Variants in MERTK observed in about 807,000 individuals in gnomAD.
MERTK encodes tyrosine-protein kinase Mer.
A neutral mutation model predicts 99.3 loss-of-function variants in MERTK; 69 were observed. The ratio of observed to expected loss-of-function variants is 0.70; its 90% CI spans 0.57 to 0.85. The LOEUF is 0.85. Ranked by LOEUF, MERTK falls within the 40% of genes least tolerant of loss-of-function variation. MERTK has a pLI of 0.00. For synonymous variants in MERTK, 426 were observed against 467.6 expected (o/e 0.91, Z 1.15); for missense variants, 1,125 against 1,249.4 (o/e 0.90, Z 1.50).
At chr2:112,020,574 G>T (rs143328351) in intron 16 of MERTK, 195 of 470,952 alleles carry the variant, frequency 4.1e-4, no homozygotes, top group African/African-American at 3.8e-3. Context: ...TGCAGTTGTA[G>T]CCCTTTAATT....
chr2:111,933,722 A>G (rs1176620968), intron 2 of MERTK, among the ~76,000 whole-genome samples: 2 of 152,002 alleles, frequency 1.3e-5, no homozygotes, highest in Non-Finnish European at 1.5e-5. Context: ...CCTGTGTTTT[A>G]TCTTTCTTTT....
At chr2:111,992,117 G>C (rs1219999618) in intron 8 of MERTK, among the ~76,000 whole-genome samples, 1 of 152,012 alleles carries the variant, frequency 6.6e-6, no homozygotes, top group Non-Finnish European at 1.5e-5. Flanking sequence ...CTCACATTTC[G>C]GAAGGAGTCC....
At chr2:112,002,405 T>C (rs1193239263) in intron 11 of MERTK, among the ~76,000 whole-genome samples, 1 of 152,100 alleles carries the variant, frequency 6.6e-6, no homozygotes, top group African/African-American at 2.4e-5. Context: ...TTCTTTTGTA[T>C]ACTGTAGTCA....
chr2:111,961,087 GT>G (rs1685240980), intron 4 of MERTK, among the ~76,000 whole-genome samples: 1 of 150,716 alleles, frequency 6.6e-6, no homozygotes, highest in Admixed American at 6.6e-5. Context: ...TTGAGAAGAA[GT>G]GACCAAAATA....
intron 4 of MERTK, among the ~76,000 whole-genome samples, chr2:111,963,792 CTCTT>C (rs1189164558): frequency 1.3e-5 from 2 of 151,908 alleles, no homozygotes; most frequent in African/African-American, 2.4e-5. Flanking sequence ...AATCTGATCT[CTCTT>C]TCTTTTCCCC....
intron 6 of MERTK, among the ~76,000 whole-genome samples, chr2:111,971,812 G>T (rs1232944755): frequency 1.3e-5 from 2 of 152,190 alleles, no homozygotes; most frequent in African/African-American, 4.8e-5. Context: ...TGTGGTTTAG[G>T]TCTTGTTGGT....
intron 7 of MERTK, among the ~76,000 whole-genome samples, chr2:111,978,762 G>GACATTGAGAATTTT (rs1232864734): frequency 5.9e-5 from 9 of 152,300 alleles, no homozygotes; most frequent in Admixed American, 4.6e-4. Flanking sequence ...TTGGATTACA[G>GACATTGAGAATTTT]ACATTGAGAA....
At position 112,003,957 on chromosome 2, in the gene MERTK, C is replaced by G; in HGVS notation, c.1840C>G (p.Leu614Val). ...GNLKQEDGTS[L>V]KVAVKTMKLD... ...TCTTAAGCAGGAAGATGGGACCTCTCTGAAAGTGGCAGTGAAGACCATGAA... is the reference window on the plus strand; with the variant it reads ...TCTTAAGCAGGAAGATGGGACCTCTGTGAAAGTGGCAGTGAAGACCATGAA... The change falls in exon 13 of 19, where the codon CTG (leucine) becomes GTG (valine). Residue 614 changes from leucine to valine, a missense_variant. Leu to Val is a conservative substitution (Grantham distance 32). Coordinates refer to ENST00000295408, the MANE Select transcript of MERTK (RefSeq NM_006343.3). 5 of 1,613,572 alleles carry G rather than the reference C, an allele frequency of 3.1e-6. No individual in the cohort carries two copies. The highest frequency in any genetic ancestry group is 4.2e-6 in the Non-Finnish European group (5 of 1,179,562).
intron 10 of MERTK, 64 bp downstream of exon 10, chr2:111,997,540 A>G (rs2104402084): frequency 6.3e-7 from 1 of 1,579,054 alleles, no homozygotes; most frequent in East Asian, 2.2e-5. Flanking sequence ...CCAAGTGATT[A>G]TGCCTTTCCT....
intron 9 of MERTK, 136 bp from the exon 10 acceptor site, chr2:111,997,187 T>G (rs1573629220): frequency 5.7e-6 from 6 of 1,048,900 alleles, no homozygotes; most frequent in Non-Finnish European, 8.9e-6. Flanking sequence ...TTACACAAAG[T>G]GAGACCTGCC....
At chr2:111,947,070 C>T (rs973721374) in intron 3 of MERTK, among the ~76,000 whole-genome samples, 3 of 152,138 alleles carry the variant, frequency 2.0e-5, no homozygotes, top group African/African-American at 2.4e-5. Flanking sequence ...GTCAGGAGTT[C>T]GAGGCCAGCC....
chr2:111,910,489 C>A (rs1006097837), intron 1 of MERTK, among the ~76,000 whole-genome samples: 1 of 151,682 alleles, frequency 6.6e-6, no homozygotes, highest in Non-Finnish European at 1.5e-5. Flanking sequence ...AGGCTGATCT[C>A]GAACTCCTGA....
chr2:111,906,801 A>T (rs919749514), intron 1 of MERTK, among the ~76,000 whole-genome samples: 1 of 152,232 alleles, frequency 6.6e-6, no homozygotes, highest in Admixed American at 6.5e-5. Context: ...CCACTTGGGG[A>T]GTTGAAAGAT....
At chr2:112,003,868 G>A (rs759062251) in intron 12 of MERTK, 36 bp from the exon 13 acceptor site, 1 of 1,532,938 alleles carries the variant, frequency 6.5e-7, no homozygotes, top group South Asian at 1.1e-5. Context: ...GGAAGAGTTT[G>A]CACAGTGTCC....
chr2:111,947,435 A>G lies in MERTK; in HGVS notation c.625A>G (p.Thr209Ala). The G allele has an allele frequency of 6.2e-7, 1 of 1,614,096 alleles. No individual in the cohort carries two copies. ...FTKQPESMNV[T>A]RNTAFNLTCQ... Reference sequence around the variant, plus strand: ...TAAGCAGCCTGAGAGCATGAATGTCACCAGAAACACAGCCTTCAACCTCAC... The same window carrying G: ...TAAGCAGCCTGAGAGCATGAATGTCGCCAGAAACACAGCCTTCAACCTCAC... Residue 209 changes from threonine to alanine, a missense_variant, in exon 4 of 19, where the codon ACC (threonine) becomes GCC (alanine). By Grantham distance (58) the Thr-to-Ala change is moderately conservative. Coordinates refer to ENST00000295408, the MANE Select transcript of MERTK (RefSeq NM_006343.3).
intron 1 of MERTK, among the ~76,000 whole-genome samples, chr2:111,919,799 C>CTTT (rs5833425): frequency 7.7e-6 from 1 of 130,422 alleles, no homozygotes; most frequent in Admixed American, 7.7e-5. Flanking sequence ...TTTTTCTTTT[C>CTTT]TTTTTTTTTT....
chr2:111,913,429 C>G (rs890787903), intron 1 of MERTK, among the ~76,000 whole-genome samples: 1 of 152,130 alleles, frequency 6.6e-6, no homozygotes, highest in Non-Finnish European at 1.5e-5. Context: ...ATTTCAATGT[C>G]TATGTGTTTA....
chr2:111,900,812 A>G (rs1159727196), intron 1 of MERTK, among the ~76,000 whole-genome samples: 3 of 152,198 alleles, frequency 2.0e-5, no homozygotes, highest in Non-Finnish European at 2.9e-5. Context: ...TTACAGCACA[A>G]AGGAGTGCTG....
At chr2:111,931,429 A>G (rs189571244) in intron 2 of MERTK, among the ~76,000 whole-genome samples, 16 of 152,328 alleles carry the variant, frequency 1.1e-4, no homozygotes, top group Admixed American at 7.8e-4. Context: ...AAGTAAAACT[A>G]TCATTTAATA....
Sources: gnomAD v4.1 joint callset for allele counts (sites outside exome capture counted in the v4.1 genomes callset) on GRCh38, gnomAD v4.1.1 for gene constraint, MANE v1.5 for transcripts, NCBI Gene and HGNC (gene_info 2026-07-23, HGNC 2026-07-21) for gene names.